The following SEMA5B variants were observed in gnomAD, a reference collection of about 807,000 sequenced individuals.
SEMA5B encodes semaphorin-5B.
Under a neutral mutation model 135.0 loss-of-function variants are expected in SEMA5B, and 66 were observed. That is an observed-to-expected ratio of 0.49 (90% CI 0.40 to 0.60). SEMA5B has a LOEUF of 0.60. SEMA5B is among the 20% of genes least tolerant of loss of function. The pLI is 0.00. For synonymous variants in SEMA5B, 690 were observed against 639.5 expected, an observed-to-expected ratio of 1.08 and a Z score of -1.19; for missense variants, 1,501 against 1,566.3, an observed-to-expected ratio of 0.96 and a Z score of 0.70.
intron 1 of SEMA5B, among the ~76,000 whole-genome samples, chr3:123,021,988 C>A (rs796234064): frequency 4.7e-4 from 72 of 152,284 alleles, no homozygotes; most frequent in African/African-American, 1.7e-3. Context: ...GGAAACTATC[C>A]TGAGACTCAC....
intron 1 of SEMA5B, among the ~76,000 whole-genome samples, chr3:123,006,317 A>G (rs1162979879): frequency 6.6e-6 from 1 of 152,176 alleles, no homozygotes; most frequent in Non-Finnish European, 1.5e-5. Context: ...GAGAGAAAAG[A>G]AGAAATGTCC....
intron 2 of SEMA5B, among the ~76,000 whole-genome samples, chr3:122,956,751 G>A (rs1247109823): frequency 2.0e-5 from 3 of 152,128 alleles, no homozygotes; most frequent in African/African-American, 4.8e-5. Context: ...CATTCAGCAC[G>A]AGGATGCATC....
In SEMA5B at chr3:123,008,516, T is replaced by C. The variant is rs1044547287; in HGVS notation, c.-39+18948A>G. ...ATATAGCCCTGATGGGTGGGTGGGATCTGAATGGGAGGAGAGGAGAGTGGA... is the reference window on the plus strand; with the variant it reads ...ATATAGCCCTGATGGGTGGGTGGGACCTGAATGGGAGGAGAGGAGAGTGGA... On this transcript the variant is annotated intron_variant, in intron 1 of 22. Transcript: ENST00000357599. Among the ~76,000 whole-genome samples the C allele has an allele frequency of 2.0e-5, 3 of 151,970 alleles. No homozygotes were observed. In the East Asian group the frequency reaches 5.8e-4, roughly 29 times the overall value.
chr3:122,913,429 G>T lies in SEMA5B; in HGVS notation c.2281-5C>A. 1 of 1,564,342 alleles carries T rather than the reference G, an allele frequency of 6.4e-7. No homozygotes were observed. Among genetic ancestry groups the T allele is most frequent in the East Asian group, 2.3e-5 (1 of 43,768 alleles). On this transcript the variant is annotated splice_region_variant and splice_polypyrimidine_tract_variant and intron_variant, in intron 16 of 22. Transcript: ENST00000357599. ...GGGGTTGCACGTCTTGAACTCCTGCGGGTGGCGGCAGAGGCAGCTTTAGAA... is the reference window on the plus strand; with the variant it reads ...GGGGTTGCACGTCTTGAACTCCTGCTGGTGGCGGCAGAGGCAGCTTTAGAA...
intron 1 of SEMA5B, among the ~76,000 whole-genome samples, chr3:122,991,362 C>G (rs1215564147): frequency 1.3e-5 from 2 of 152,164 alleles, no homozygotes; most frequent in African/African-American, 4.8e-5. Context: ...GAAGATGTAG[C>G]AGCAGCAGTG....
rs566209135 is a variant in SEMA5B, at chr3:123,009,528, T to C, written c.-39+17936A>G. Among the ~76,000 whole-genome samples the C allele has an allele frequency of 6.8e-5, 10 of 147,292 alleles. No individual in the cohort carries two copies. The East Asian group carries it at 1.8e-3, about 27-fold the overall frequency. On this transcript the variant is annotated intron_variant, in intron 1 of 22. Coordinates refer to ENST00000357599, the MANE Select transcript of SEMA5B (RefSeq NM_001031702.4). Reference sequence around the variant, plus strand: ...TCACATGTATGTGTGTGTGTGTATGTGTGTCTGTGTGTGTGTGTATGAGAG... The same window carrying C: ...TCACATGTATGTGTGTGTGTGTATGCGTGTCTGTGTGTGTGTGTATGAGAG...
chr3:122,921,179 C>T (rs1417343123), intron 12 of SEMA5B, among the ~76,000 whole-genome samples: 7 of 152,242 alleles, frequency 4.6e-5, no homozygotes, highest in African/African-American at 1.7e-4. Flanking sequence ...CAGAAGCTCG[C>T]ATGGCTGTGG....
At chr3:122,956,231 C>G (rs576102728) in intron 2 of SEMA5B, among the ~76,000 whole-genome samples, 1 of 152,262 alleles carries the variant, frequency 6.6e-6, no homozygotes, top group Non-Finnish European at 1.5e-5. Context: ...CAGAGCTTCT[C>G]TTGCCTTCTC....
Position 122,910,968 on chromosome 3 carries a change from GGTA to G in SEMA5B, c.3166_3168del (p.Tyr1056del). On this transcript the variant is annotated inframe_deletion, in exon 22 of 23. Transcript: ENST00000357599. Reference sequence around the variant, plus strand: ...TGACGCTGGCAGTGCTGGCAAGACAGGTACACTGCTAGGGTCAGGAGCCCAGAG... The same window carrying G: ...TGACGCTGGCAGTGCTGGCAAGACAGCACTGCTAGGGTCAGGAGCCCAGAG... 1 of 1,614,030 alleles carries G rather than the reference GGTA, an allele frequency of 6.2e-7. No individual in the cohort carries two copies. The highest frequency in any genetic ancestry group is 8.5e-7 in the Non-Finnish European group (1 of 1,180,010).
chr3:122,960,575 G>A (rs1940530672), intron 2 of SEMA5B, among the ~76,000 whole-genome samples: 1 of 152,144 alleles, frequency 6.6e-6, no homozygotes, highest in Admixed American at 6.5e-5. Flanking sequence ...TAACCCAAGT[G>A]TCCATCAACA....
chr3:122,997,243 G>A (rs1235727854), intron 1 of SEMA5B, among the ~76,000 whole-genome samples: 1 of 152,146 alleles, frequency 6.6e-6, no homozygotes, highest in African/African-American at 2.4e-5. Context: ...CCGTGGCAAG[G>A]CAGAGACTCG....
At chr3:122,981,947 G>C (rs189860017) in intron 1 of SEMA5B, among the ~76,000 whole-genome samples, 1 of 152,176 alleles carries the variant, frequency 6.6e-6, no homozygotes, top group Admixed American at 6.5e-5. Context: ...TACCATGGCA[G>C]GTCATCAGCC....
rs781538113 is a variant in SEMA5B at position 122,928,984 on chromosome 3, G to A, written c.537+12C>T. On this transcript the variant is annotated intron_variant, in intron 6 of 22. Coordinates refer to ENST00000357599, the MANE Select transcript of SEMA5B (RefSeq NM_001031702.4). ...CTCCAGGTGGGGCCCCTGGACCGCCGAGACCACGTACCTCAGTCTTCCCTT... is the reference window on the plus strand; with the variant it reads ...CTCCAGGTGGGGCCCCTGGACCGCCAAGACCACGTACCTCAGTCTTCCCTT... 74 of 1,611,452 alleles carry A rather than the reference G, an allele frequency of 4.6e-5. No individual in the cohort carries two copies. The highest frequency in any genetic ancestry group is 8.0e-5 in the African/African-American group (6 of 74,926).
At chr3:123,025,338 C>T (rs1942773678) in intron 1 of SEMA5B, among the ~76,000 whole-genome samples, 1 of 152,180 alleles carries the variant, frequency 6.6e-6, no homozygotes, top group African/African-American at 2.4e-5. Flanking sequence ...GCCTGTACAG[C>T]CACTGCATGT....
At chr3:122,980,141 T>C (rs1941471656) in intron 1 of SEMA5B, among the ~76,000 whole-genome samples, 1 of 152,168 alleles carries the variant, frequency 6.6e-6, no homozygotes, top group Non-Finnish European at 1.5e-5. Context: ...AGTCCCAGGA[T>C]GATGTATTCT....
chr3:122,913,518 C>A lies in SEMA5B; in HGVS notation c.2280+16G>T. The A allele has an allele frequency of 6.2e-7, 1 of 1,605,334 alleles. No homozygotes were observed. Among genetic ancestry groups the A allele is most frequent in the Non-Finnish European group, 8.5e-7 (1 of 1,177,342 alleles). On this transcript the variant is annotated intron_variant, in intron 16 of 22. Transcript: ENST00000357599. ...TACCCTACACCGCGCCCCTGGCCCA[C>A]GGCCCCAACCCTCACCACGCCGCAG...
intron 1 of SEMA5B, among the ~76,000 whole-genome samples, chr3:123,015,072 T>G (rs1289642773): frequency 6.6e-6 from 1 of 152,172 alleles, no homozygotes; most frequent in African/African-American, 2.4e-5. Context: ...CACCAAAGAA[T>G]GCCAGCAAAC....
At chr3:123,017,769 G>A (rs1299924672) in intron 1 of SEMA5B, among the ~76,000 whole-genome samples, 2 of 152,052 alleles carry the variant, frequency 1.3e-5, no homozygotes, top group Non-Finnish European at 2.9e-5. Context: ...TTAGCCAGAT[G>A]CAGTGGCGGG....
intron 1 of SEMA5B, among the ~76,000 whole-genome samples, chr3:122,984,086 C>A (rs1379333371): frequency 3.9e-5 from 6 of 152,248 alleles, no homozygotes; most frequent in African/African-American, 1.4e-4. Flanking sequence ...CTTCCTACAA[C>A]GTTTTGCTAT....
Sources: gnomAD v4.1 joint callset for allele counts (sites outside exome capture counted in the v4.1 genomes callset) on GRCh38, gnomAD v4.1.1 for gene constraint, MANE v1.5 for transcripts, NCBI Gene and HGNC (gene_info 2026-07-23, HGNC 2026-07-21) for gene names.